DGKI: variants seen among roughly 807,000 people sequenced by gnomAD.
DGKI encodes the protein DAG kinase iota.
In DGKI, 55 loss-of-function variants were observed where a neutral mutation model predicts 147.5. The ratio of observed to expected loss-of-function variants is 0.37; its 90% confidence interval spans 0.30 to 0.47. DGKI has a LOEUF of 0.47. Ranked by LOEUF, DGKI falls within the 20% of genes least tolerant of loss-of-function variation. The pLI, the probability that DGKI is intolerant of heterozygous loss-of-function variation, is 1.00. For missense variants in DGKI, 1,007 were observed against 1,323.8 expected, an observed-to-expected ratio of 0.76 and a Z score of 3.71; for synonymous variants, 469 against 477.1, an observed-to-expected ratio of 0.98 and a Z score of 0.22.
Position 137,384,723 on chromosome 7 carries a change from TAACA to T in DGKI, c.*6493_*6496del, listed in dbSNP as rs995453973. ...ACTTTTTAATTCTTGAAACTGTTCT[TAACA>T]AACAGTATAGATTTGAGTTGTTTAT... is the stretch of plus-strand genomic sequence containing the variant. On this transcript the variant is annotated 3_prime_UTR_variant, in exon 33 of 33. Coordinates refer to ENST00000614521, the MANE Select transcript of DGKI (RefSeq NM_001321708.2). The T allele has an allele frequency of 4.6e-5, 7 of 152,096 alleles. No individual in the cohort carries two copies. The highest frequency in any genetic ancestry group is 1.7e-4 in the African/African-American group (7 of 41,434). The allele number at this position is 152,096 out of a possible 1,614,324, so 9.4% of individuals were successfully genotyped here.
At chr7:137,685,031 T>C (rs969296591) in intron 2 of DGKI, among the ~76,000 whole-genome samples, 1 of 152,212 alleles carries the variant, frequency 6.6e-6, no homozygotes, top group African/African-American at 2.4e-5. Flanking sequence ...TAACCCAGTT[T>C]AAACCAATCC....
chr7:137,381,380 C>T lies in DGKI; in HGVS notation c.*9840G>A, dbSNP rs932976414. On this transcript the variant is annotated 3_prime_UTR_variant, in exon 33 of 33. Transcript: ENST00000614521. ...AACTTTAATCTTTCTACTGCCACAG[C>T]TGCTACTTGTTTATGGATTCCACCT... 7.0e-6 allele frequency: 1 copy of T among 143,632 alleles called. No homozygotes were observed. Among genetic ancestry groups the T allele is most frequent in the African/African-American group, 2.6e-5 (1 of 38,824 alleles). The allele number at this position is 143,632 out of a possible 1,614,324, so 8.9% of individuals were successfully genotyped here.
chr7:137,772,799 T>C (rs1796246727), intron 1 of DGKI, among the ~76,000 whole-genome samples: 1 of 152,262 alleles, frequency 6.6e-6, no homozygotes, highest in South Asian at 2.1e-4. Context: ...TTAAAAGTTA[T>C]GGCATTTCTA....
intron 1 of DGKI, among the ~76,000 whole-genome samples, chr7:137,696,173 A>G (rs6976725): frequency 0.45 from 67,890 of 151,958 alleles, 16,715 homozygotes; most frequent in African/African-American, 0.66. Flanking sequence ...CATTTGACAA[A>G]CTTCCACCAC....
chr7:137,657,218 G>A (rs1018180478), intron 3 of DGKI, among the ~76,000 whole-genome samples: 2 of 152,174 alleles, frequency 1.3e-5, no homozygotes, highest in African/African-American at 4.8e-5. Flanking sequence ...CTTCACAAAT[G>A]GTAGTTCACT....
At chr7:137,637,278 G>A (rs538960105) in intron 6 of DGKI, among the ~76,000 whole-genome samples, 305 of 152,330 alleles carry the variant, frequency 2.0e-3, no homozygotes, top group Non-Finnish European at 3.2e-3. Flanking sequence ...CTCCGAGTCC[G>A]TTTCTTGGGA....
intron 17 of DGKI, among the ~76,000 whole-genome samples, chr7:137,575,568 CAGTAA>C (rs1258718588): frequency 6.6e-6 from 1 of 152,178 alleles, no homozygotes; most frequent in Non-Finnish European, 1.5e-5. Flanking sequence ...CTGGAAAGGG[CAGTAA>C]AGTTTAATTT....
rs1450045514 is a variant in DGKI at position 137,517,246 on chromosome 7, A to AAAG, written c.2248+4619_2248+4620insCTT. 6.7e-3 allele frequency among the ~76,000 whole-genome samples: 885 copies of AAAG among 132,132 alleles called. 28 individuals carry two copies. Among genetic ancestry groups the AAAG allele is most frequent in the Admixed American group, 0.027 (337 of 12,428 alleles). The allele number at this position is 132,132 out of a possible 152,430, so 86.7% of individuals were successfully genotyped here. On this transcript the variant is annotated intron_variant, in intron 21 of 32. Transcript: ENST00000614521. ...AAGAAAAAGAAAGAAAGAAAGAAAG[A>AAAG]AAAGAAAAAGAAAGAAAGAAAGAAA...
intron 3 of DGKI, among the ~76,000 whole-genome samples, chr7:137,672,944 G>A (rs1251193855): frequency 6.6e-6 from 1 of 151,722 alleles, no homozygotes; most frequent in Non-Finnish European, 1.5e-5. Context: ...TCACTACCCC[G>A]GCTAATTTTC....
intron 1 of DGKI, among the ~76,000 whole-genome samples, chr7:137,841,218 C>T (rs531219552): frequency 2.0e-5 from 3 of 152,298 alleles, no homozygotes; most frequent in Admixed American, 1.3e-4. Context: ...TCATACCAAT[C>T]GAGGAGTTTT....
chr7:137,454,204 A>G (rs908006865), intron 27 of DGKI, among the ~76,000 whole-genome samples: 3 of 152,230 alleles, frequency 2.0e-5, no homozygotes, highest in Non-Finnish European at 4.4e-5. Context: ...TCAACAATGT[A>G]TACGTACTTC....
chr7:137,751,813 T>A (rs58701346), intron 1 of DGKI, among the ~76,000 whole-genome samples: 1 of 151,994 alleles, frequency 6.6e-6, no homozygotes, highest in African/African-American at 2.4e-5. Flanking sequence ...CCAATAAAAC[T>A]TTATTTACAA....
chr7:137,618,905 G>A (rs1820643760), intron 8 of DGKI, among the ~76,000 whole-genome samples: 1 of 152,112 alleles, frequency 6.6e-6, no homozygotes, highest in African/African-American at 2.4e-5. Context: ...CATCAACAGA[G>A]TCTAAACTTT....
intron 27 of DGKI, among the ~76,000 whole-genome samples, chr7:137,446,917 G>A (rs1813739950): frequency 6.6e-6 from 1 of 152,138 alleles, no homozygotes; most frequent in Non-Finnish European, 1.5e-5. Context: ...CACCACACCT[G>A]AAAGACATGT....
At chr7:137,433,046 C>G (rs1279791245) in intron 28 of DGKI, among the ~76,000 whole-genome samples, 1 of 152,022 alleles carries the variant, frequency 6.6e-6, no homozygotes, top group Non-Finnish European at 1.5e-5. Context: ...TTTAGGGCAC[C>G]CAAAATGAAC....
intron 1 of DGKI, chr7:137,722,458 A>G: frequency 6.2e-7 from 1 of 1,610,524 alleles, no homozygotes; most frequent in Admixed American, 1.7e-5. Flanking sequence ...TGGACGCCAC[A>G]GGGGCAAGAG....
intron 23 of DGKI, among the ~76,000 whole-genome samples, chr7:137,475,477 T>C (rs1815138497): frequency 6.6e-6 from 1 of 152,242 alleles, no homozygotes; most frequent in Non-Finnish European, 1.5e-5. Context: ...CCCCATTCAA[T>C]AGTAACTGCC....
intron 2 of DGKI, among the ~76,000 whole-genome samples, chr7:137,686,968 G>A (rs992362105): frequency 2.6e-5 from 4 of 151,904 alleles, no homozygotes; most frequent in Non-Finnish European, 2.9e-5. Flanking sequence ...CACCATGAAC[G>A]TTTTTTTTAA....
intron 6 of DGKI, among the ~76,000 whole-genome samples, chr7:137,626,713 A>G (rs1820955737): frequency 6.6e-6 from 1 of 152,192 alleles, no homozygotes; most frequent in Admixed American, 6.5e-5. Flanking sequence ...AGCCGGGGTG[A>G]GACCCGAGTG....
Sources: gnomAD v4.1 joint callset for allele counts (sites outside exome capture counted in the v4.1 genomes callset) on GRCh38, gnomAD v4.1.1 for gene constraint, MANE v1.5 for transcripts, NCBI Gene and HGNC (gene_info 2026-07-23, HGNC 2026-07-21) for gene names.